The following EPB42 variants were observed in gnomAD, a reference collection of about 807,000 sequenced individuals.
The protein encoded by EPB42 is erythrocyte membrane protein band 4.2, also known as protein 4.2.
Under a neutral mutation model 76.9 loss-of-function variants are expected in EPB42, and 49 were observed. The ratio of observed to expected loss-of-function variants is 0.64; its 90% CI spans 0.51 to 0.81. The LOEUF is 0.81. Ranked by LOEUF, EPB42 falls within the 30% of genes least tolerant of loss-of-function variation. The pLI is 0.00. For synonymous variants in EPB42, 310 were observed against 338.4 expected (o/e 0.92, Z 0.92); for missense variants, 731 against 867.6 (o/e 0.84, Z 1.98).
At chr15:43,201,138 A>G (rs1316151451) in intron 12 of EPB42, among the ~76,000 whole-genome samples, 3 of 152,126 alleles carry the variant, frequency 2.0e-5, no homozygotes, top group Non-Finnish European at 4.4e-5. Context: ...ACAAGTATAT[A>G]AGGAGACTTG....
At chr15:43,211,637 CA>C in intron 3 of EPB42, 103 bp from the exon 4 acceptor site, 5 of 823,192 alleles carry the variant, frequency 6.1e-6, no homozygotes, top group Non-Finnish European at 1.1e-5. Flanking sequence ...GGCTGCAGGC[CA>C]CCCCGTCAGC....
At chr15:43,214,931 C>T (rs1014375259) in intron 3 of EPB42, among the ~76,000 whole-genome samples, 164 bp downstream of exon 3, 1 of 152,194 alleles carries the variant, frequency 6.6e-6, no homozygotes, top group Admixed American at 6.5e-5. Context: ...GGTCTGAGAG[C>T]TGGTTCATTC....
chr15:43,220,980 A>AC lies in EPB42; in HGVS notation c.-156dup. The AC allele has an allele frequency of 1.5e-6, 1 of 677,944 alleles. No homozygotes were observed. The highest frequency in any genetic ancestry group is 2.8e-5 in the East Asian group (1 of 35,910). 42.0% of individuals were successfully genotyped at this position (677,944 alleles called of 1,614,324 possible). A position where few individuals can be genotyped will look rare whatever the true frequency, so the allele number is the denominator to read the frequency against. On this transcript the variant is annotated 5_prime_UTR_variant, in exon 1 of 13. Transcript: ENST00000441366. ...TCTGGAAATAGCAAAACCTCCCCCC[A>AC]CTACTCCTGTGAGCACCCTGACATG...
At chr15:43,212,861 A>T (rs1414924789) in intron 3 of EPB42, among the ~76,000 whole-genome samples, 1 of 152,204 alleles carries the variant, frequency 6.6e-6, no homozygotes, top group African/African-American at 2.4e-5. Context: ...TGGAGTGGAC[A>T]GGGGTTAGAC....
chr15:43,206,282 T>G lies in EPB42; in HGVS notation c.1618+48A>C. The G allele has an allele frequency of 2.5e-6, 3 of 1,197,854 alleles. No homozygotes were observed. The highest frequency in any genetic ancestry group is 3.4e-6 in the Non-Finnish European group (3 of 892,494). 74.2% of individuals were successfully genotyped at this position (1,197,854 alleles called of 1,614,324 possible). A position where few individuals can be genotyped will look rare whatever the true frequency, so the allele number is the denominator to read the frequency against. On this transcript the variant is annotated intron_variant, in intron 10 of 12. Transcript: ENST00000441366. The surrounding 1 kb of genome is among the most constrained non-coding windows in gnomAD (Gnocchi z 4.7). ...TGCTGCCTGCCCAAGGCAGGGGCCA[T>G]GTGTGTGTGTGTGTCGGGGGGTGTC...
chr15:43,204,978 A>C, intron 10 of EPB42, among the ~76,000 whole-genome samples: 1 of 130,948 alleles, frequency 7.6e-6, no homozygotes, highest in African/African-American at 2.8e-5. Context: ...CCCCCCCAAA[A>C]AAAAGTTCCC....
upstream of EPB42, among the ~76,000 whole-genome samples, chr15:43,223,451 G>A (rs1162787960): frequency 1.3e-5 from 2 of 152,150 alleles, no homozygotes; most frequent in East Asian, 3.8e-4. Context: ...TTAGAAAAAT[G>A]AGTAAAGGAT....
chr15:43,215,866 A>C (rs1027966809), intron 2 of EPB42, among the ~76,000 whole-genome samples: 8 of 152,004 alleles, frequency 5.3e-5, no homozygotes, highest in Non-Finnish European at 1.0e-4. Flanking sequence ...AATTTTTTGT[A>C]TTTTTAGTAG....
intron 1 of EPB42, among the ~76,000 whole-genome samples, chr15:43,218,510 A>T (rs1049894785): frequency 3.3e-5 from 5 of 152,110 alleles, no homozygotes; most frequent in Middle Eastern, 3.2e-3. Context: ...TTCAGCACTT[A>T]TCCCATTTGA....
intron 1 of EPB42, among the ~76,000 whole-genome samples, chr15:43,217,421 T>C (rs1185497418): frequency 6.6e-6 from 1 of 151,842 alleles, no homozygotes; most frequent in Non-Finnish European, 1.5e-5. Context: ...AATTACCCCA[T>C]CTCAGGTATG....
rs1317955595 is a variant in EPB42, at chr15:43,197,259, G to A, written c.*43C>T. 2.5e-6 allele frequency: 4 copies of A among 1,613,288 alleles called. No homozygotes were observed. The highest frequency in any genetic ancestry group is 3.3e-5 in the Admixed American group (2 of 59,972). The stretch of plus-strand genomic sequence containing the variant: ...TCCTAGCACATGTTTGGTTTAGATT[G>A]TAGAACAAGGGTTGGCAGGAGAGTG... On this transcript the variant is annotated 3_prime_UTR_variant, in exon 13 of 13. Coordinates refer to ENST00000441366, the MANE Select transcript of EPB42 (RefSeq NM_001114134.2).
intron 12 of EPB42, among the ~76,000 whole-genome samples, chr15:43,201,288 A>G (rs2042120899): frequency 6.6e-6 from 1 of 152,238 alleles, no homozygotes; most frequent in African/African-American, 2.4e-5. Context: ...ATATGGGCAT[A>G]AATCTTAACA....
chr15:43,198,064 C>A (rs2042071282), intron 12 of EPB42, among the ~76,000 whole-genome samples: 1 of 152,178 alleles, frequency 6.6e-6, no homozygotes, highest in Non-Finnish European at 1.5e-5. Flanking sequence ...TCCAATTAAA[C>A]CTCTTTTTCT....
chr15:43,221,808 G>A (rs1245899258), upstream of EPB42, among the ~76,000 whole-genome samples: 2 of 141,574 alleles, frequency 1.4e-5, no homozygotes, highest in Non-Finnish European at 3.0e-5. Flanking sequence ...CTCATTTGAA[G>A]GATCTTATTA....
At chr15:43,211,621 A>G in intron 3 of EPB42, 87 bp from the exon 4 acceptor site, 1 of 937,616 alleles carries the variant, frequency 1.1e-6, no homozygotes, top group South Asian at 1.3e-5. Flanking sequence ...TGCCGAGATT[A>G]GGTTTGGCTG....
chr15:43,208,336 G>A lies in EPB42; in HGVS notation c.972-3C>T, dbSNP rs766392903. Reference sequence around the variant, plus strand: ...ACTCTGTGGAAGTCTGGAAGATCCTGAATGCAGCAAAGAGAAAAATTCAAG... The same window carrying A: ...ACTCTGTGGAAGTCTGGAAGATCCTAAATGCAGCAAAGAGAAAAATTCAAG... On this transcript the variant is annotated splice_polypyrimidine_tract_variant and splice_region_variant and intron_variant, in intron 7 of 12. Transcript: ENST00000441366. 3.3e-5 allele frequency: 53 copies of A among 1,613,756 alleles called. No homozygotes were observed. The highest frequency in any genetic ancestry group is 3.9e-5 in the Non-Finnish European group (46 of 1,179,854).
intron 10 of EPB42, among the ~76,000 whole-genome samples, chr15:43,203,589 T>C (rs2042159282): frequency 6.6e-6 from 1 of 152,172 alleles, no homozygotes. Context: ...GGATGGTTTG[T>C]GTTGTTTGTA....
At chr15:43,224,487 A>AAAGT (rs1378968870), upstream of EPB42, among the ~76,000 whole-genome samples, 1 of 152,110 alleles carries the variant, frequency 6.6e-6, no homozygotes, top group Non-Finnish European at 1.5e-5. Context: ...CTTTCTTAAT[A>AAAGT]AACTTGCTCT....
intron 8 of EPB42, 27 bp downstream of exon 8, chr15:43,208,203 G>T (rs2042234924): frequency 6.2e-7 from 1 of 1,601,998 alleles, no homozygotes; most frequent in Non-Finnish European, 8.5e-7. Flanking sequence ...AGCCCTGCGT[G>T]GTCCTGGACC....
Sources: allele counts gnomAD v4.1 joint callset (sites outside exome capture counted in the v4.1 genomes callset), GRCh38; gene constraint gnomAD v4.1.1; non-coding constraint Gnocchi (gnomAD v3.1); transcripts MANE v1.5; gene names NCBI Gene and HGNC (gene_info 2026-07-23, HGNC 2026-07-21).